GLB1: variants seen among roughly 807,000 people sequenced by gnomAD.
GLB1 encodes galactosidase beta 1, also known as beta-galactosidase.
GLB1 carries 56 observed loss-of-function variants against 74.0 expected under a neutral mutation model. That is an observed-to-expected ratio of 0.76 (90% CI 0.61 to 0.94). GLB1 has a LOEUF of 0.94. GLB1 is among the 40% of genes least tolerant of loss of function. GLB1 has a pLI of 0.00. For missense variants in GLB1, 787 were observed against 845.5 expected (o/e 0.93, Z 0.86); for synonymous variants, 323 against 323.6 (o/e 1.00, Z 0.02).
intron 15 of GLB1, among the ~76,000 whole-genome samples, chr3:33,005,208 G>A (rs1199832959): frequency 6.6e-6 from 1 of 152,058 alleles, no homozygotes; most frequent in Non-Finnish European, 1.5e-5. Flanking sequence ...ATTGAAAGAG[G>A]CTAGTTATGA....
intron 5 of GLB1, among the ~76,000 whole-genome samples, chr3:33,062,832 A>G (rs930504959): frequency 3.9e-5 from 6 of 152,170 alleles, no homozygotes; most frequent in African/African-American, 1.2e-4. Context: ...CTGTCTACAA[A>G]TCCCCCGGTT....
At chr3:32,997,436 A>G in intron 15 of GLB1, 92 bp from the exon 16 acceptor site, 4 of 1,571,694 alleles carry the variant, frequency 2.5e-6, no homozygotes, top group African/African-American at 1.3e-5. Context: ...GCCAGCAGCA[A>G]TGGAGGAAAG....
At chr3:33,076,663 G>C (rs1308993982) in intron 1 of GLB1, among the ~76,000 whole-genome samples, 1 of 152,092 alleles carries the variant, frequency 6.6e-6, no homozygotes, top group Non-Finnish European at 1.5e-5. Context: ...GAGACAGAGA[G>C]AGCGAGCATG....
intron 1 of GLB1, among the ~76,000 whole-genome samples, chr3:33,074,901 C>T (rs1232682614): frequency 1.3e-5 from 2 of 152,100 alleles, no homozygotes; most frequent in Admixed American, 1.3e-4. Context: ...AACTGGCGAG[C>T]GGAAGTTAAA....
chr3:33,092,513 G>A, intron 1 of GLB1: 6 of 1,107,076 alleles, frequency 5.4e-6, no homozygotes, highest in Non-Finnish European at 6.6e-6. Flanking sequence ...CAACCCCGAG[G>A]GGAGGTTCAT....
chr3:33,044,239 A>T (rs1698653897), intron 10 of GLB1, among the ~76,000 whole-genome samples: 1 of 152,218 alleles, frequency 6.6e-6, no homozygotes, highest in African/African-American at 2.4e-5. Flanking sequence ...ATATTCTCTA[A>T]CCAGAATGCA....
Position 33,093,919 on chromosome 3 carries a change from G to C in GLB1, c.75+3092C>G, listed in dbSNP as rs1396610759. ...AAGAAACTGGAATGGGCCAGGGCCA[G>C]AAATGCCAGAACCACCACCTTCCAA... On this transcript the variant is annotated intron_variant, in intron 1 of 15. Coordinates refer to ENST00000307363, the MANE Select transcript of GLB1 (RefSeq NM_000404.4). The surrounding 1 kb of genome is among the most constrained non-coding windows in gnomAD (Gnocchi z 6.0). 6.2e-7 allele frequency: 1 copy of C among 1,614,102 alleles called. No homozygotes were observed. Among genetic ancestry groups the C allele is most frequent in the East Asian group, 2.2e-5 (1 of 44,890 alleles).
At chr3:32,962,715 G>A in the GLB1 span, among the ~76,000 whole-genome samples, 7 of 151,238 alleles carry the variant, frequency 4.6e-5, no homozygotes, top group Non-Finnish European at 8.8e-5. Context: ...AAAGAGAATA[G>A]AAATAAATAA....
At chr3:32,963,701 A>G in the GLB1 span, among the ~76,000 whole-genome samples, 1,579 of 152,342 alleles carry the variant, frequency 0.01, 31 homozygotes, top group African/African-American at 0.036. Context: ...ACCATTCACA[A>G]ATGTCCATAA....
intron 14 of GLB1, among the ~76,000 whole-genome samples, 190 bp from the exon 15 acceptor site, chr3:33,014,500 G>C (rs995649119): frequency 6.6e-6 from 1 of 152,188 alleles, no homozygotes; most frequent in African/African-American, 2.4e-5. Context: ...CTTGGGAAGA[G>C]ATATATTCCC....
At position 33,096,731 on chromosome 3, in the gene GLB1, C is replaced by T. The variant is rs1701046613; in HGVS notation, c.75+280G>A. 11 of 1,285,590 alleles carry T rather than the reference C, an allele frequency of 8.6e-6. No individual in the cohort carries two copies. The South Asian group carries it at 2.3e-4, about 26-fold the overall frequency. 79.6% of individuals were successfully genotyped at this position (1,285,590 alleles called of 1,614,324 possible). A position where few individuals can be genotyped will look rare whatever the true frequency, so the allele number is the denominator to read the frequency against. On this transcript the variant is annotated intron_variant, in intron 1 of 15. Coordinates refer to ENST00000307363, the MANE Select transcript of GLB1 (RefSeq NM_000404.4). ...TGTTTACACGCACCTCGTCTCAACA[C>T]CTCGTTACAGATGGGGAAGTGGATC...
intron 6 of GLB1, among the ~76,000 whole-genome samples, chr3:33,054,002 C>T (rs58522791): frequency 1.3e-5 from 2 of 151,582 alleles, no homozygotes; most frequent in East Asian, 3.9e-4. Flanking sequence ...AACAGAGTGA[C>T]ACTCCATCTC....
intron 1 of GLB1, among the ~76,000 whole-genome samples, chr3:33,084,469 GAATCTGTGGAT>G (rs1418813432): frequency 6.6e-6 from 1 of 152,234 alleles, no homozygotes; most frequent in East Asian, 1.9e-4. Flanking sequence ...GGAGATGGAA[GAATCTGTGGAT>G]AATCTGCTCT....
At chr3:32,961,561 GAA>G in the GLB1 span, among the ~76,000 whole-genome samples, 6 of 152,352 alleles carry the variant, frequency 3.9e-5, no homozygotes, top group Middle Eastern at 3.4e-3. Context: ...CAGCAGAAAA[GAA>G]GAGAGCCATC....
rs1267515651 is a variant in GLB1 at position 33,065,518 on chromosome 3, A to G, written c.497T>C (p.Leu166Pro). 2 of 1,585,852 alleles carry G rather than the reference A, an allele frequency of 1.3e-6. No homozygotes were observed. Among genetic ancestry groups the G allele is most frequent in the Middle Eastern group, 1.7e-4 (1 of 5,880 alleles). Reference protein sequence around the residue: ...AAVDKWLGVLLPKMKPLLYQN... With the variant: ...AAVDKWLGVLPPKMKPLLYQN... ...ATAGAGGAGAGGCTTCATCTTGGGC[A>G]GAAGGACTCCCAACCACTTGTCCAC... The change falls in exon 5 of 16, where the codon CTG (leucine) becomes CCG (proline). Residue 166 changes from leucine to proline, a missense_variant. Physicochemically the swap from Leu to Pro is moderately conservative, Grantham distance 98. Coordinates refer to ENST00000307363, the MANE Select transcript of GLB1 (RefSeq NM_000404.4).
chr3:33,062,750 T>C lies in GLB1; in HGVS notation c.552+2713A>G, dbSNP rs151141215. Among the ~76,000 whole-genome samples, 340 of 152,128 alleles carry C rather than the reference T, an allele frequency of 2.2e-3. 7 individuals are homozygous for C. The South Asian group carries it at 0.042, about 19-fold the overall frequency. Reference sequence around the variant, plus strand: ...TTGCAGTGAGCCGAGATCTCATCACTGCACTCAGCCTGGTGACAGAGAGAG... The same window carrying C: ...TTGCAGTGAGCCGAGATCTCATCACCGCACTCAGCCTGGTGACAGAGAGAG... On this transcript the variant is annotated intron_variant, in intron 5 of 15. Transcript: ENST00000307363.
At position 33,028,666 on chromosome 3, in the gene GLB1, ATTT is replaced by A. The variant is rs869252582; in HGVS notation, c.1069-4344_1069-4342del. On this transcript the variant is annotated intron_variant, in intron 10 of 15. Transcript: ENST00000307363. The stretch of plus-strand genomic sequence containing the variant: ...ACTTGCTTATGTCATTTACCCAAAA[ATTT>A]TTTTTTTTTTTTTGATACGGAGTTT... 6.8e-5 allele frequency among the ~76,000 whole-genome samples: 10 copies of A among 146,264 alleles called. No homozygotes were observed. In the East Asian group the frequency reaches 8.1e-4, roughly 12 times the overall value.
At chr3:33,004,702 C>A (rs1446997313) in intron 15 of GLB1, among the ~76,000 whole-genome samples, 1 of 152,190 alleles carries the variant, frequency 6.6e-6, no homozygotes, top group Non-Finnish European at 1.5e-5. Flanking sequence ...GGTACTATTA[C>A]TATTTCCTGA....
chr3:33,067,852 C>G (rs1699746807), intron 4 of GLB1, among the ~76,000 whole-genome samples: 1 of 152,076 alleles, frequency 6.6e-6, no homozygotes, highest in South Asian at 2.1e-4. Flanking sequence ...TTCAAAATAC[C>G]TCCCCCTTTT....
Sources: gnomAD v4.1 joint callset for allele counts (sites outside exome capture counted in the v4.1 genomes callset) on GRCh38, gnomAD v4.1.1 for gene constraint, Gnocchi (gnomAD v3.1) non-coding constraint, MANE v1.5 for transcripts, NCBI Gene and HGNC (gene_info 2026-07-23, HGNC 2026-07-21) for gene names.